KIF13B: variants seen among roughly 807,000 people sequenced by gnomAD.
KIF13B encodes the protein kinesin-like protein KIF13B.
Under a neutral mutation model 222.0 loss-of-function variants are expected in KIF13B, and 127 were observed. That is an observed-to-expected ratio of 0.57 (90% CI 0.50 to 0.66). KIF13B has a LOEUF of 0.66. Ranked by LOEUF, KIF13B falls within the 30% of genes least tolerant of loss-of-function variation. The pLI, the probability that KIF13B is intolerant of heterozygous loss-of-function variation, is 0.00. For synonymous variants in KIF13B, 976 were observed against 919.0 expected (o/e 1.06, Z -1.12); for missense variants, 2,173 against 2,379.0 (o/e 0.91, Z 1.80).
intron 2 of KIF13B, among the ~76,000 whole-genome samples, chr8:29,227,043 A>G (rs2034817): frequency 0.068 from 10,399 of 152,270 alleles, 476 homozygotes; most frequent in African/African-American, 0.12. Context: ...AAGAAGGATG[A>G]CCAATTACTC....
Position 29,072,260 on chromosome 8 carries a change from C to A in KIF13B, c.4578G>T (p.Leu1526Phe). The A allele has an allele frequency of 1.4e-6, 2 of 1,471,222 alleles. No individual in the cohort carries two copies. The highest frequency in any genetic ancestry group is 1.8e-6 in the Non-Finnish European group (2 of 1,112,194). 91.1% of individuals were successfully genotyped at this position (1,471,222 alleles called of 1,614,324 possible). A position where few individuals can be genotyped will look rare whatever the true frequency, so the allele number is the denominator to read the frequency against. ...CTTTGGCAGGTTTGTCGCAGATCTT[C>A]AAGGCCGGGGCCCCCATCGTCTGCA... is the stretch of plus-strand genomic sequence containing the variant. ...VLVQTMGAPA[L>F]KICDKPAKVP... Residue 1526 changes from leucine (L) to phenylalanine (F), a missense_variant, in exon 39 of 40, where the codon TTG (leucine) becomes TTT (phenylalanine). Around this residue, in one of 2 missense-constraint regions of KIF13B, gnomAD observed 693 missense variants for 656.2 expected, o/e 1.06. Transcript: ENST00000524189.
chr8:29,139,469 A>C (rs763099994), intron 21 of KIF13B, among the ~76,000 whole-genome samples: 2 of 152,194 alleles, frequency 1.3e-5, no homozygotes, highest in Admixed American at 6.5e-5. Context: ...CAGTGAATTA[A>C]GATTCCTCCC....
At chr8:29,114,067 CTT>C (rs1020902919) in intron 31 of KIF13B, among the ~76,000 whole-genome samples, 1 of 152,196 alleles carries the variant, frequency 6.6e-6, no homozygotes, top group African/African-American at 2.4e-5. Flanking sequence ...TGACTGCGCT[CTT>C]TGCACAGTTA....
intron 2 of KIF13B, among the ~76,000 whole-genome samples, chr8:29,243,084 C>T (rs975129058): frequency 5.9e-5 from 9 of 152,128 alleles, no homozygotes; most frequent in African/African-American, 1.4e-4. Context: ...TGGTGGCTCA[C>T]GCCTGTAATC....
intron 35 of KIF13B, among the ~76,000 whole-genome samples, chr8:29,107,853 C>A (rs1015470322): frequency 6.6e-6 from 1 of 152,104 alleles, no homozygotes; most frequent in African/African-American, 2.4e-5. Context: ...AGCCACTGCG[C>A]CCAGCCTGAA....
chr8:29,067,865 C>G lies in KIF13B; in HGVS notation c.*2639G>C, dbSNP rs1363790859. 6.5e-6 allele frequency: 1 copy of G among 152,828 alleles called. No individual in the cohort carries two copies. The highest frequency in any genetic ancestry group is 1.5e-5 in the Non-Finnish European group (1 of 68,406). 9.5% of individuals were successfully genotyped at this position (152,828 alleles called of 1,614,324 possible). On this transcript the variant is annotated 3_prime_UTR_variant, in exon 40 of 40. Transcript: ENST00000524189. ...CCAGAAACATCTTCCCCCTCCTCAC[C>G]TCTGCCCTCCCGCTCCCTCTGGTCA...
chr8:29,244,309 A>G (rs115073455), intron 2 of KIF13B, among the ~76,000 whole-genome samples: 3,398 of 152,254 alleles, frequency 0.022, 126 homozygotes, highest in African/African-American at 0.078. Flanking sequence ...CACTGCGCCC[A>G]GCCCAGTGCT....
rs374836469 is a variant in KIF13B at position 29,260,208 on chromosome 8, TAAA to T, written c.55+2769_55+2771del. ...ATACTCTCACTTCGAGGATAACTGTTAAATAATAAATCAGCTAACCACCTTAAA... is the reference window on the plus strand; with the variant it reads ...ATACTCTCACTTCGAGGATAACTGTTTAATAAATCAGCTAACCACCTTAAA... On this transcript the variant is annotated intron_variant, in intron 1 of 39. Transcript: ENST00000524189. 3.0e-4 allele frequency among the ~76,000 whole-genome samples: 45 copies of T among 152,352 alleles called. No homozygotes were observed. In the South Asian group the frequency reaches 9.3e-3, roughly 32 times the overall value.
chr8:29,167,357 CG>C lies in KIF13B; in HGVS notation c.1158+15del. ...TCTTCCTGGACTCACAGGGCGCACG[CG>C]GTGGTGCCTCCTACCTCTGCTTTGG... On this transcript the variant is annotated intron_variant, in intron 11 of 39. Transcript: ENST00000524189. 1 of 1,599,682 alleles carries C rather than the reference CG, an allele frequency of 6.3e-7. No individual in the cohort carries two copies. The highest frequency in any genetic ancestry group is 8.6e-7 in the Non-Finnish European group (1 of 1,169,254).
rs368182981 is a variant in KIF13B at position 29,081,206 on chromosome 8, C to T, written c.4459-5863G>A. On this transcript the variant is annotated intron_variant, in intron 37 of 39. Coordinates refer to ENST00000524189, the MANE Select transcript of KIF13B (RefSeq NM_015254.4). ...TTACAGTCACACGTGAGCATTTAAC[C>T]GTGCTTTCTCAACGGAAAGCTCAGT... Among the ~76,000 whole-genome samples the T allele has an allele frequency of 3.1e-4, 47 of 152,240 alleles. No individual in the cohort carries two copies. In the East Asian group the frequency reaches 6.8e-3, roughly 22 times the overall value.
At position 29,124,132 on chromosome 8, in the gene KIF13B, A is replaced by T; in HGVS notation, c.3253-9T>A. On this transcript the variant is annotated splice_polypyrimidine_tract_variant and intron_variant, in intron 26 of 39. Transcript: ENST00000524189. ...CTCTCTAAATCTCGATCCTGGAAGC[A>T]AGCAAGGAAAATCATATTCAATGTA... 1 of 1,515,168 alleles carries T rather than the reference A, an allele frequency of 6.6e-7. No homozygotes were observed. The highest frequency in any genetic ancestry group is 9.2e-7 in the Non-Finnish European group (1 of 1,091,714). 93.9% of individuals were successfully genotyped at this position (1,515,168 alleles called of 1,614,324 possible).
intron 36 of KIF13B, among the ~76,000 whole-genome samples, chr8:29,098,256 A>G (rs1285153830): frequency 5.9e-5 from 9 of 151,580 alleles, no homozygotes; most frequent in Admixed American, 4.6e-4. Flanking sequence ...TGAAAAAAAT[A>G]TAACCTATGA....
intron 21 of KIF13B, chr8:29,138,643 GTAA>G (rs1320916326): frequency 1.3e-5 from 2 of 152,104 alleles, no homozygotes; most frequent in Admixed American, 1.3e-4. Flanking sequence ...CCTCCCCCAG[GTAA>G]CACCTGTATA....
intron 30 of KIF13B, 54 bp downstream of exon 30, chr8:29,118,814 A>G: frequency 1.3e-6 from 2 of 1,588,548 alleles, no homozygotes; most frequent in African/African-American, 2.7e-5. Context: ...AAGCTCGAGG[A>G]GAGGTTAAGG....
chr8:29,137,450 G>A (rs963983471), intron 21 of KIF13B, among the ~76,000 whole-genome samples: 3 of 152,194 alleles, frequency 2.0e-5, no homozygotes, highest in Admixed American at 6.5e-5. Flanking sequence ...CTGCAGGCAC[G>A]GATGCTGCGC....
chr8:29,187,078 C>A (rs1371887745), intron 5 of KIF13B, among the ~76,000 whole-genome samples: 1 of 151,902 alleles, frequency 6.6e-6, no homozygotes, highest in Admixed American at 6.6e-5. Flanking sequence ...CCGAAATAAG[C>A]TGAAAGAGCC....
At chr8:29,218,833 C>A (rs938703031) in intron 2 of KIF13B, 2 of 152,232 alleles carry the variant, frequency 1.3e-5, no homozygotes, top group African/African-American at 4.8e-5. Context: ...ACTCAAGAGA[C>A]AGCACTACAG....
intron 35 of KIF13B, among the ~76,000 whole-genome samples, chr8:29,104,908 CTAATTT>C (rs1296295546): frequency 6.6e-6 from 1 of 151,640 alleles, no homozygotes; most frequent in African/African-American, 2.4e-5. Context: ...CCTCGCCCGG[CTAATTT>C]TCTGTATTTT....
In KIF13B at chr8:29,104,482, G is replaced by A. The variant is rs545803624; in HGVS notation, c.4215+3657C>T. The stretch of plus-strand genomic sequence containing the variant: ...CCAACTCAAAACCATTTTTCCCCAC[G>A]TTTGCATTGATAACTGCATACATTT... On this transcript the variant is annotated intron_variant, in intron 35 of 39. Transcript: ENST00000524189. Among the ~76,000 whole-genome samples, 9 of 152,136 alleles carry A rather than the reference G, an allele frequency of 5.9e-5. No individual in the cohort carries two copies. The South Asian group carries it at 1.0e-3, about 18-fold the overall frequency.
Sources: gnomAD v4.1 joint callset for allele counts (sites outside exome capture counted in the v4.1 genomes callset) on GRCh38, gnomAD v4.1.1 for gene constraint, gnomAD v4.1.1 regional missense constraint, MANE v1.5 for transcripts, NCBI Gene and HGNC (gene_info 2026-07-23, HGNC 2026-07-21) for gene names.